VSIG10L: variants seen among roughly 807,000 people sequenced by gnomAD.
VSIG10L encodes the protein V-set and immunoglobulin domain-containing protein 10-like.
In VSIG10L, 63 loss-of-function variants were observed where a neutral mutation model predicts 67.3. The observed-to-expected ratio is 0.94, with a 90% CI of 0.76 to 1.15. VSIG10L has a LOEUF of 1.15. VSIG10L is among the 50% of genes most tolerant of loss of function. The probability of loss-of-function intolerance (pLI) is 0.00; values close to 1 mark genes in which losing one functional copy is unlikely to be tolerated. For synonymous variants in VSIG10L, 499 were observed against 524.9 expected (o/e 0.95, Z 0.67); for missense variants, 1,050 against 1,177.5 (o/e 0.89, Z 1.58).
At chr19:51,339,915 T>G (rs905135817) in intron 4 of VSIG10L, 100 bp downstream of exon 4, 14 of 1,078,640 alleles carry the variant, frequency 1.3e-5, no homozygotes, top group Admixed American at 5.0e-5. Context: ...ACCGGTATGC[T>G]GCTCCTCCTT....
At position 51,340,449 on chromosome 19, in the gene VSIG10L, G is replaced by C; in HGVS notation, c.1173C>G (p.Ala391=). 1 of 1,490,336 alleles carries C rather than the reference G, an allele frequency of 6.7e-7. No individual in the cohort carries two copies. The highest frequency in any genetic ancestry group is 8.9e-7 in the Non-Finnish European group (1 of 1,118,456). The allele number at this position is 1,490,336 out of a possible 1,614,324, so 92.3% of individuals were successfully genotyped here. A position where few individuals can be genotyped will look rare whatever the true frequency, so the allele number is the denominator to read the frequency against. ...CCCACTCACAGAAGACGCTGACGTC[G>C]GCGGCAGCCTCCCTGTGGCCGAAGG... ...RSPFGHREAA[A]DVSVFYGPDP... is the part of the protein sequence containing the mutation. The change falls in exon 3 of 10, where the codon GCC becomes GCG. Residue 391 remains alanine, a synonymous_variant. Transcript: ENST00000335624. This position sits in a 1 kb window ranked among gnomAD's most constrained non-coding sequence, Gnocchi z 6.3.
In VSIG10L at chr19:51,341,575, G is replaced by T. The variant is rs1480437757; in HGVS notation, c.473C>A (p.Ala158Asp). The T allele has an allele frequency of 1.3e-6, 2 of 1,551,728 alleles. No individual in the cohort carries two copies. Among genetic ancestry groups the T allele is most frequent in the East Asian group, 4.9e-5 (2 of 40,922 alleles). The part of the protein sequence containing the change: ...QVSHTKLSVE[A>D]PDSKFSPDDM... The stretch of plus-strand genomic sequence containing the variant: ...ATCCGGGGAGAATTTTGAATCTGGG[G>T]CCTCAACAGACAGTTTGGTATGGGA... The change falls in exon 2 of 10, where the codon GCC (alanine) becomes GAC (aspartate). Residue 158 changes from alanine (A) to aspartate (D), a missense_variant. Coordinates refer to ENST00000335624, the MANE Select transcript of VSIG10L (RefSeq NM_001163922.3).
chr19:51,341,838 T>G lies in VSIG10L; in HGVS notation c.210A>C (p.Lys70Asn). The change falls in exon 2 of 10, where the codon AAA (lysine) becomes AAC (asparagine). Residue 70 changes from lysine (K) to asparagine (N), a missense_variant. Around this residue, in one of 3 missense-constraint regions of VSIG10L, gnomAD observed 511 missense variants for 557.9 expected, o/e 0.92. Transcript: ENST00000335624. ...TGGAATCAGAGATTCCAGCAGAGGCTTTTGAATCCAGGAACTGATCTGGAA... is the reference window on the plus strand; with the variant it reads ...TGGAATCAGAGATTCCAGCAGAGGCGTTTGAATCCAGGAACTGATCTGGAA... ...WKVPDQFLDS[K>N]ASAGISDSSW... 2 of 1,551,580 alleles carry G rather than the reference T, an allele frequency of 1.3e-6. No individual in the cohort carries two copies. Among genetic ancestry groups the G allele is most frequent in the Non-Finnish European group, 1.7e-6 (2 of 1,146,960 alleles).
At chr19:51,337,055 C>T (rs546573131) in intron 7 of VSIG10L, among the ~76,000 whole-genome samples, 183 bp downstream of exon 7, 85 of 152,234 alleles carry the variant, frequency 5.6e-4, no homozygotes, top group African/African-American at 1.9e-3. Flanking sequence ...CGTGAGCCAC[C>T]GCGCCCAGCC....
chr19:51,332,730 T>TTTTA, intron 9 of VSIG10L, 90 bp from the exon 10 acceptor site: 1 of 1,302,816 alleles, frequency 7.7e-7, no homozygotes, highest in Non-Finnish European at 1.0e-6. Flanking sequence ...AGCTCTTGCT[T>TTTTA]GAACTTTTTA....
chr19:51,333,757 G>A (rs542938280), intron 9 of VSIG10L, 34 bp downstream of exon 9: 40 of 1,507,912 alleles, frequency 2.7e-5, no homozygotes, highest in Admixed American at 4.9e-5. Context: ...GTTCCGCCCC[G>A]ATTCCAGGAG....
rs999738299 is a variant in VSIG10L at position 51,332,288 on chromosome 19, C to A, written c.*323G>T. ...TTTTCAGAGAACATGGCCAAGCTCC[C>A]TCTCTAGCTCAGAGCAACACAGCAA... On this transcript the variant is annotated 3_prime_UTR_variant, in exon 10 of 10. Coordinates refer to ENST00000335624, the MANE Select transcript of VSIG10L (RefSeq NM_001163922.3). 21 of 435,498 alleles carry A rather than the reference C, an allele frequency of 4.8e-5. No individual in the cohort carries two copies. Among genetic ancestry groups the A allele is most frequent in the Non-Finnish European group, 8.2e-5 (19 of 232,872 alleles). 27.0% of individuals were successfully genotyped at this position (435,498 alleles called of 1,614,324 possible).
rs142820621 is a variant in VSIG10L at position 51,340,559 on chromosome 19, G to C, written c.1063C>G (p.Arg355Gly). The change falls in exon 3 of 10, where the codon CGG (arginine) becomes GGG (glycine). Residue 355 changes from arginine (R) to glycine (G), a missense_variant. Coordinates refer to ENST00000335624, the MANE Select transcript of VSIG10L (RefSeq NM_001163922.3). This position sits in a 1 kb window ranked among gnomAD's most constrained non-coding sequence, Gnocchi z 6.3. Reference sequence around the variant, plus strand: ...AGCTGGTCGCCCTCTGAGCGCATCCGGGGCGTCTCGGCTCCCTCCGATTCC... The same window carrying C: ...AGCTGGTCGCCCTCTGAGCGCATCCCGGGCGTCTCGGCTCCCTCCGATTCC... ...AAESEGAETP[R>G]MRSEGDQLLI... 1.7e-3 allele frequency: 2,590 copies of C among 1,535,672 alleles called. 41 individuals are homozygous for C. In the African/African-American group the frequency reaches 0.031, roughly 18 times the overall value.
Position 51,340,013 on chromosome 19 carries a change from A to G in VSIG10L, c.1474+2T>C. ...TCCCCTACTCCCGCTCCAGCCTCTC[A>G]CCCGCCACTGTAAGGTTGAGCAGCG... On this transcript the variant is annotated splice_donor_variant, in intron 4 of 9. Transcript: ENST00000335624. LOFTEE classifies it high-confidence loss of function. The surrounding 1 kb of genome is among the most constrained non-coding windows in gnomAD (Gnocchi z 6.3). The G allele has an allele frequency of 1.5e-6, 2 of 1,375,528 alleles. No individual in the cohort carries two copies. The highest frequency in any genetic ancestry group is 3.2e-5 in the South Asian group (2 of 62,914). The allele number at this position is 1,375,528 out of a possible 1,614,324, so 85.2% of individuals were successfully genotyped here.
rs2123557923 is a variant in VSIG10L, at chr19:51,340,294, G to C, written c.1195C>G (p.Pro399Ala). ...AAADVSVFYGPDPPTITVSSD... is the reference protein window; with the variant it reads ...AAADVSVFYGADPPTITVSSD... Reference sequence around the variant, plus strand: ...GAGACCGTGATGGTCGGCGGGTCCGGGCCGTCTGGAGGGAGGAGGGGTCGG... The same window carrying C: ...GAGACCGTGATGGTCGGCGGGTCCGCGCCGTCTGGAGGGAGGAGGGGTCGG... Residue 399 changes from proline (P) to alanine (A), a missense_variant, in exon 4 of 10, where the codon CCG (proline) becomes GCG (alanine). Coordinates refer to ENST00000335624, the MANE Select transcript of VSIG10L (RefSeq NM_001163922.3). The surrounding 1 kb of genome is among the most constrained non-coding windows in gnomAD (Gnocchi z 6.3). The C allele has an allele frequency of 6.6e-7, 1 of 1,518,288 alleles. No homozygotes were observed. 94.1% of individuals were successfully genotyped at this position (1,518,288 alleles called of 1,614,324 possible). A position where few individuals can be genotyped will look rare whatever the true frequency, so the allele number is the denominator to read the frequency against.
At position 51,340,100 on chromosome 19, in the gene VSIG10L, C is replaced by T. The variant is rs772104926; in HGVS notation, c.1389G>A (p.Pro463=). 1.6e-4 allele frequency: 214 copies of T among 1,333,990 alleles called. No individual in the cohort carries two copies. The African/African-American group carries it at 3.1e-3, about 19-fold the overall frequency. The allele number at this position is 1,333,990 out of a possible 1,614,324, so 82.6% of individuals were successfully genotyped here. A position where few individuals can be genotyped will look rare whatever the true frequency, so the allele number is the denominator to read the frequency against. Residue 463 remains proline (P), a synonymous_variant, in exon 4 of 10, where the codon CCG becomes CCA. Coordinates refer to ENST00000335624, the MANE Select transcript of VSIG10L (RefSeq NM_001163922.3). This position sits in a 1 kb window ranked among gnomAD's most constrained non-coding sequence, Gnocchi z 6.3. ...GGCAGGCGTAGGTGCCTGCGTGGCC[C>T]GGTCCGACCGCGGGCAGCAGGAGGC... ...GSRLLLPAVG[P]GHAGTYACLA...
intron 7 of VSIG10L, 46 bp from the exon 8 acceptor site, chr19:51,334,350 G>T: frequency 6.6e-7 from 1 of 1,523,698 alleles, no homozygotes; most frequent in South Asian, 1.2e-5. Flanking sequence ...AGGAACCAAG[G>T]TTGGACCCAA....
rs569123009 is a variant in VSIG10L at position 51,338,269 on chromosome 19, A to T, written c.1730-61T>A. 26 of 1,432,748 alleles carry T rather than the reference A, an allele frequency of 1.8e-5. No homozygotes were observed. In the East Asian group the frequency reaches 5.4e-4, roughly 29 times the overall value. 88.8% of individuals were successfully genotyped at this position (1,432,748 alleles called of 1,614,324 possible). On this transcript the variant is annotated intron_variant, in intron 5 of 9. Coordinates refer to ENST00000335624, the MANE Select transcript of VSIG10L (RefSeq NM_001163922.3). ...ACCTTACCTTGGATTCAAAGAACAGATCCTATGCCCTACTTTAAATCAGAT... is the reference window on the plus strand; with the variant it reads ...ACCTTACCTTGGATTCAAAGAACAGTTCCTATGCCCTACTTTAAATCAGAT...
Position 51,333,570 on chromosome 19 carries a change from T to C in VSIG10L, c.2574+221A>G, listed in dbSNP as rs538734662. Among the ~76,000 whole-genome samples, 6 of 152,068 alleles carry C rather than the reference T, an allele frequency of 3.9e-5. No individual in the cohort carries two copies. The South Asian group carries it at 8.3e-4, about 21-fold the overall frequency. On this transcript the variant is annotated intron_variant, in intron 9 of 9. Coordinates refer to ENST00000335624, the MANE Select transcript of VSIG10L (RefSeq NM_001163922.3). ...AGAGAGAGAGATCCTATTTCCCTCC[T>C]TTGGAGAAGAAACTGGAATTCACTC...
rs1297286568 is a variant in VSIG10L at position 51,340,425 on chromosome 19, C to G, written c.1189+8G>C. ...CCCTGTCCCCGACCCGAGGCATCCC[C>G]CACTCACAGAAGACGCTGACGTCGG... On this transcript the variant is annotated splice_region_variant and intron_variant, in intron 3 of 9. Transcript: ENST00000335624. The surrounding 1 kb of genome is among the most constrained non-coding windows in gnomAD (Gnocchi z 6.3). The G allele has an allele frequency of 7.4e-6, 11 of 1,480,720 alleles. No individual in the cohort carries two copies. The highest frequency in any genetic ancestry group is 5.1e-5 in the South Asian group (4 of 77,690). 91.7% of individuals were successfully genotyped at this position (1,480,720 alleles called of 1,614,324 possible).
rs1985373955 is a variant in VSIG10L at position 51,332,159 on chromosome 19, G to A, written c.*452C>T. 14 of 232,586 alleles carry A rather than the reference G, an allele frequency of 6.0e-5. No homozygotes were observed. The South Asian group carries it at 6.5e-4, about 11-fold the overall frequency. The allele number at this position is 232,586 out of a possible 1,614,324, so 14.4% of individuals were successfully genotyped here. Reference sequence around the variant, plus strand: ...GAAGGGAAATGCACAGGCCGTAGAAGCGTTTAAAGAGAAGAGTGACATGAT... The same window carrying A: ...GAAGGGAAATGCACAGGCCGTAGAAACGTTTAAAGAGAAGAGTGACATGAT... On this transcript the variant is annotated 3_prime_UTR_variant, in exon 10 of 10. Coordinates refer to ENST00000335624, the MANE Select transcript of VSIG10L (RefSeq NM_001163922.3).
chr19:51,340,048 G>T lies in VSIG10L; in HGVS notation c.1441C>A (p.Arg481Ser). The change falls in exon 4 of 10, where the codon CGC (arginine) becomes AGC (serine). Residue 481 changes from arginine (R) to serine (S), a missense_variant. Transcript: ENST00000335624. This position sits in a 1 kb window ranked among gnomAD's most constrained non-coding sequence, Gnocchi z 6.3. ...GTAAGGTTGAGCAGCGAGCGGCGGCGGCGGCCGGTACGCGGGTTCGCCGCC... is the reference window on the plus strand; with the variant it reads ...GTAAGGTTGAGCAGCGAGCGGCGGCTGCGGCCGGTACGCGGGTTCGCCGCC... ...CLAANPRTGR[R>S]RRSLLNLTVA... 2 of 1,437,136 alleles carry T rather than the reference G, an allele frequency of 1.4e-6. No homozygotes were observed. Among genetic ancestry groups the T allele is most frequent in the Non-Finnish European group, 1.8e-6 (2 of 1,097,262 alleles). 89.0% of individuals were successfully genotyped at this position (1,437,136 alleles called of 1,614,324 possible).
chr19:51,339,066 C>T lies in VSIG10L; in HGVS notation c.1551G>A (p.Trp517Ter). 1 of 1,337,018 alleles carries T rather than the reference C, an allele frequency of 7.5e-7. No homozygotes were observed. The highest frequency in any genetic ancestry group is 9.7e-7 in the Non-Finnish European group (1 of 1,035,906). 82.8% of individuals were successfully genotyped at this position (1,337,018 alleles called of 1,614,324 possible). A position where few individuals can be genotyped will look rare whatever the true frequency, so the allele number is the denominator to read the frequency against. Residue 517 changes from tryptophan to a stop codon, truncating the protein, a stop_gained, in exon 5 of 10, where the codon TGG (tryptophan) becomes TGA (stop). Coordinates refer to ENST00000335624, the MANE Select transcript of VSIG10L (RefSeq NM_001163922.3). LOFTEE classifies it high-confidence loss of function. ...GGGAGGCAGCAGGGGCCCCGCCGGG[C>T]CACGAGCAGCGGAAGCGGAGGCTGC... is the stretch of plus-strand genomic sequence containing the variant. The part of the protein sequence containing the change: ...GDRSLRFRCS[W>*]PGGAPAASLQ...
chr19:51,341,101 C>A (rs1049435168), intron 2 of VSIG10L, 52 bp downstream of exon 2: 1 of 1,457,456 alleles, frequency 6.9e-7, no homozygotes, highest in Non-Finnish European at 9.1e-7. Flanking sequence ...CAAAGCCTGG[C>A]AGAGCAGAGC....
Sources: allele counts gnomAD v4.1 joint callset (sites outside exome capture counted in the v4.1 genomes callset), GRCh38; gene constraint gnomAD v4.1.1; regional missense constraint gnomAD v4.1.1; non-coding constraint Gnocchi (gnomAD v3.1); transcripts MANE v1.5; gene names NCBI Gene and HGNC (gene_info 2026-07-23, HGNC 2026-07-21).